EVI5: variants seen among roughly 807,000 people sequenced by gnomAD.
EVI5 encodes the protein ecotropic viral integration site 5 protein homolog.
Under a neutral mutation model 112.0 loss-of-function variants are expected in EVI5, and 73 were observed. That is an observed-to-expected ratio of 0.65 (90% CI 0.54 to 0.79). The LOEUF (loss-of-function observed/expected upper bound fraction) is 0.79, where lower values mean the gene tolerates loss of function less well. EVI5 is among the 30% of genes least tolerant of loss of function. EVI5 has a pLI of 0.00. For missense variants in EVI5, 900 were observed against 968.8 expected, an observed-to-expected ratio of 0.93 and a Z score of 0.94; for synonymous variants, 305 against 319.9, an observed-to-expected ratio of 0.95 and a Z score of 0.50.
Position 92,695,342 on chromosome 1 carries a change from C to A in EVI5, c.877G>T (p.Ala293Ser). 1 of 1,611,830 alleles carries A rather than the reference C, an allele frequency of 6.2e-7. No individual in the cohort carries two copies. Among genetic ancestry groups the A allele is most frequent in the Admixed American group, 1.7e-5 (1 of 59,858 alleles). ...IFLTTFPLPI[A>S]TRIFDIFMSE... is the part of the protein sequence containing the mutation. ...ATAAAGATATCAAATATCCTTGTTGCAATTGGTAGTGGAAAAGTTGTAAGA... is the reference window on the plus strand; with the variant it reads ...ATAAAGATATCAAATATCCTTGTTGAAATTGGTAGTGGAAAAGTTGTAAGA... Residue 293 changes from alanine (A) to serine (S), a missense_variant, in exon 7 of 20, where the codon GCA (alanine) becomes TCA (serine). Coordinates refer to ENST00000684568, the MANE Select transcript of EVI5 (RefSeq NM_001350197.2).
intron 18 of EVI5, among the ~76,000 whole-genome samples, chr1:92,591,388 A>G (rs1312713375): frequency 6.6e-6 from 1 of 152,190 alleles, no homozygotes; most frequent in Non-Finnish European, 1.5e-5. Context: ...AGAGACACAC[A>G]TAGGCTCAAA....
intron 1 of EVI5, among the ~76,000 whole-genome samples, chr1:92,740,090 T>A (rs1002741195): frequency 6.6e-6 from 1 of 152,190 alleles, no homozygotes; most frequent in Admixed American, 6.5e-5. Context: ...CTTTTTACCC[T>A]TCCTTAGAGC....
At chr1:92,641,726 A>C (rs1471836520) in intron 13 of EVI5, among the ~76,000 whole-genome samples, 1 of 152,220 alleles carries the variant, frequency 6.6e-6, no homozygotes, top group Admixed American at 6.5e-5. Context: ...CTCCCTCAGC[A>C]TATGACCCCA....
At chr1:92,670,120 C>T (rs1241376690) in intron 10 of EVI5, among the ~76,000 whole-genome samples, 1 of 152,200 alleles carries the variant, frequency 6.6e-6, no homozygotes, top group South Asian at 2.1e-4. Flanking sequence ...CTTTAAAATG[C>T]TAATATCTTG....
At chr1:92,536,895 A>T (rs1266916399) in intron 19 of EVI5, among the ~76,000 whole-genome samples, 1 of 152,158 alleles carries the variant, frequency 6.6e-6, no homozygotes, top group Non-Finnish European at 1.5e-5. Context: ...GTAACAAGTT[A>T]TCCTTCAATT....
chr1:92,603,450 C>T (rs1273862059), intron 18 of EVI5, among the ~76,000 whole-genome samples: 1 of 151,958 alleles, frequency 6.6e-6, no homozygotes, highest in African/African-American at 2.4e-5. Context: ...CCCTAAATGT[C>T]CATCAATGAA....
intron 1 of EVI5, among the ~76,000 whole-genome samples, chr1:92,766,810 A>G (rs1682704746): frequency 6.6e-6 from 1 of 152,178 alleles, no homozygotes; most frequent in South Asian, 2.1e-4. Flanking sequence ...GGCCAGGCGC[A>G]GTGATTCAAG....
intron 19 of EVI5, among the ~76,000 whole-genome samples, chr1:92,559,929 A>G (rs1668269889): frequency 6.6e-6 from 1 of 152,192 alleles, no homozygotes. Context: ...TACTGGGGGA[A>G]AAGTACTCAA....
chr1:92,526,394 G>A (rs1661888928), intron 19 of EVI5, among the ~76,000 whole-genome samples: 1 of 152,094 alleles, frequency 6.6e-6, no homozygotes, highest in Non-Finnish European at 1.5e-5. Flanking sequence ...TTATCACATG[G>A]TGTCACATCT....
intron 2 of EVI5, among the ~76,000 whole-genome samples, chr1:92,727,786 TGA>T (rs1467659124): frequency 6.6e-6 from 1 of 151,770 alleles, no homozygotes; most frequent in Non-Finnish European, 1.5e-5. Flanking sequence ...GAGGCTGAGG[TGA>T]GAGGATTGCT....
At chr1:92,603,379 C>G (rs1285627848) in intron 18 of EVI5, among the ~76,000 whole-genome samples, 1 of 152,094 alleles carries the variant, frequency 6.6e-6, no homozygotes, top group African/African-American at 2.4e-5. Flanking sequence ...GGGACCTGAA[C>G]AGAAATTTGT....
intron 13 of EVI5, among the ~76,000 whole-genome samples, chr1:92,659,916 G>C (rs1203735352): frequency 2.0e-5 from 3 of 151,940 alleles, no homozygotes; most frequent in African/African-American, 7.2e-5. Flanking sequence ...TAAAAAGAAT[G>C]AAATTATGTG....
chr1:92,622,092 C>T (rs573333696), intron 16 of EVI5, among the ~76,000 whole-genome samples: 1 of 151,390 alleles, frequency 6.6e-6, no homozygotes, highest in South Asian at 2.1e-4. Context: ...TGCACTCCAG[C>T]CTGGGCGACA....
chr1:92,611,211 C>G (rs1463072977), intron 16 of EVI5, among the ~76,000 whole-genome samples: 1 of 150,964 alleles, frequency 6.6e-6, no homozygotes, highest in Admixed American at 6.6e-5. Context: ...TAAATCCCCA[C>G]CAATATATAC....
chr1:92,635,836 C>A (rs1300469943), intron 14 of EVI5, among the ~76,000 whole-genome samples: 5 of 152,130 alleles, frequency 3.3e-5, no homozygotes, highest in Non-Finnish European at 7.4e-5. Flanking sequence ...ATGTATTAGT[C>A]CTATTCTATC....
At chr1:92,617,804 T>C (rs529740218) in intron 16 of EVI5, among the ~76,000 whole-genome samples, 7 of 152,342 alleles carry the variant, frequency 4.6e-5, no homozygotes, top group African/African-American at 9.6e-5. Flanking sequence ...CTCACTGGAA[T>C]AGACACTTAC....
intron 13 of EVI5, among the ~76,000 whole-genome samples, chr1:92,644,733 T>C (rs1022935780): frequency 2.6e-5 from 4 of 152,206 alleles, no homozygotes; most frequent in Non-Finnish European, 5.9e-5. Context: ...TTCATTTTCA[T>C]TTAATTAAAA....
chr1:92,756,266 G>T, intron 1 of EVI5: 1 of 432,230 alleles, frequency 2.3e-6, no homozygotes. Context: ...CATTGAATTT[G>T]TTCTCTCTGA....
intron 19 of EVI5, among the ~76,000 whole-genome samples, chr1:92,527,998 A>T (rs1489504377): frequency 2.6e-5 from 4 of 152,222 alleles, no homozygotes; most frequent in African/African-American, 9.6e-5. Context: ...GTAATAAAGA[A>T]GATTTAGTAA....
Sources: allele counts gnomAD v4.1 joint callset (sites outside exome capture counted in the v4.1 genomes callset), GRCh38; gene constraint gnomAD v4.1.1; transcripts MANE v1.5; gene names NCBI Gene and HGNC (gene_info 2026-07-23, HGNC 2026-07-21).